The following AGBL4 variants were observed in gnomAD, a reference collection of about 807,000 sequenced individuals.
AGBL4 encodes cytosolic carboxypeptidase 6.
Under a neutral mutation model 66.4 loss-of-function variants are expected in AGBL4, and 58 were observed. That is an observed-to-expected ratio of 0.87 (90% CI 0.71 to 1.09). The LOEUF (loss-of-function observed/expected upper bound fraction) is 1.09. AGBL4 is among the 50% of genes least tolerant of loss of function. The pLI, the probability that AGBL4 is intolerant of heterozygous loss-of-function variation, is 0.00. For synonymous variants in AGBL4, 234 were observed against 222.9 expected (o/e 1.05, Z -0.44); for missense variants, 579 against 631.0 (o/e 0.92, Z 0.88).
intron 6 of AGBL4, chr1:48,776,639 A>G: frequency 1.4e-6 from 2 of 1,480,988 alleles, no homozygotes; most frequent in South Asian, 2.6e-5. Flanking sequence ...TTGTGGAGCA[A>G]CAGCGCGCCC....
chr1:49,563,214 G>A (rs1644099448), intron 3 of AGBL4, among the ~76,000 whole-genome samples: 1 of 78,860 alleles, frequency 1.3e-5, no homozygotes, highest in African/African-American at 6.1e-5. Flanking sequence ...TTTGGGCTGA[G>A]ACAATGGGGT....
At chr1:49,289,734 A>G (rs1644498127) in intron 3 of AGBL4, among the ~76,000 whole-genome samples, 1 of 152,202 alleles carries the variant, frequency 6.6e-6, no homozygotes, top group African/African-American at 2.4e-5. Context: ...AGAGAAATTC[A>G]TAGCCTTAAA....
intron 1 of AGBL4, among the ~76,000 whole-genome samples, chr1:49,875,042 T>C (rs1171022621): frequency 1.0e-4 from 15 of 147,188 alleles, no homozygotes; most frequent in Admixed American, 7.0e-5. Context: ...ATTCTCATTG[T>C]TCAATTTCCA....
chr1:49,949,971 T>C (rs1028228930), intron 1 of AGBL4, among the ~76,000 whole-genome samples: 5 of 146,052 alleles, frequency 3.4e-5, no homozygotes, highest in East Asian at 2.0e-4. Flanking sequence ...TATATATATA[T>C]ATACACACAT....
At chr1:49,150,885 T>C (rs1329194215) in intron 4 of AGBL4, among the ~76,000 whole-genome samples, 1 of 152,210 alleles carries the variant, frequency 6.6e-6, no homozygotes, top group Non-Finnish European at 1.5e-5. Flanking sequence ...TGTCCATTAC[T>C]GTGCTTGGCA....
chr1:49,976,277 C>A (rs1658544637), intron 1 of AGBL4, among the ~76,000 whole-genome samples: 1 of 152,116 alleles, frequency 6.6e-6, no homozygotes, highest in South Asian at 2.1e-4. Flanking sequence ...GAAGCATATG[C>A]ATAGCACTTT....
chr1:49,639,723 CA>C (rs1222459189), intron 3 of AGBL4, among the ~76,000 whole-genome samples: 5 of 152,076 alleles, frequency 3.3e-5, no homozygotes, highest in African/African-American at 1.2e-4. Flanking sequence ...AACAGGGGAG[CA>C]AATATGTAAA....
At chr1:49,663,003 G>A (rs971880152) in intron 3 of AGBL4, among the ~76,000 whole-genome samples, 4 of 152,118 alleles carry the variant, frequency 2.6e-5, no homozygotes, top group African/African-American at 9.6e-5. Flanking sequence ...ACTGGGTTTA[G>A]ATAAGTCTCT....
At chr1:48,848,485 G>A (rs1215535735) in intron 6 of AGBL4, among the ~76,000 whole-genome samples, 2 of 151,974 alleles carry the variant, frequency 1.3e-5, no homozygotes, top group Non-Finnish European at 2.9e-5. Flanking sequence ...AATCTATCTC[G>A]GCCTTATGAA....
chr1:49,879,240 A>T (rs1200240525), intron 1 of AGBL4, among the ~76,000 whole-genome samples: 2 of 143,640 alleles, frequency 1.4e-5, no homozygotes, highest in East Asian at 2.1e-4. Context: ...TAGTTGATGC[A>T]GTTTCTTCCT....
intron 11 of AGBL4, among the ~76,000 whole-genome samples, chr1:48,548,364 AAACAC>A (rs1365999350): frequency 6.6e-6 from 1 of 152,098 alleles, no homozygotes; most frequent in Admixed American, 6.5e-5. Context: ...TCCTCATCTG[AAACAC>A]AGCCCTGACC....
At chr1:49,081,003 A>C (rs1347194152) in intron 4 of AGBL4, among the ~76,000 whole-genome samples, 1 of 152,168 alleles carries the variant, frequency 6.6e-6, no homozygotes, top group Non-Finnish European at 1.5e-5. Flanking sequence ...TACAGTCATT[A>C]TAATGTCAAA....
At chr1:48,884,576 C>T (rs1650121931) in intron 5 of AGBL4, among the ~76,000 whole-genome samples, 1 of 152,120 alleles carries the variant, frequency 6.6e-6, no homozygotes, top group Non-Finnish European at 1.5e-5. Flanking sequence ...TGACAATTGT[C>T]CATTGCTTCC....
chr1:49,240,037 A>G (rs1651095254), intron 4 of AGBL4, among the ~76,000 whole-genome samples: 1 of 152,136 alleles, frequency 6.6e-6, no homozygotes, highest in Admixed American at 6.5e-5. Context: ...TTTCTCAAGT[A>G]AAATATAAAT....
intron 9 of AGBL4, 86 bp from the exon 10 acceptor site, chr1:48,591,071 CCCCCACACA>C: frequency 9.2e-7 from 1 of 1,091,462 alleles, no homozygotes; most frequent in Non-Finnish European, 1.3e-6. Flanking sequence ...ACACACACAC[CCCCCACACA>C]CACCCACCCA....
chr1:49,378,103 C>A (rs149643191), intron 3 of AGBL4, among the ~76,000 whole-genome samples: 189 of 152,058 alleles, frequency 1.2e-3, no homozygotes, highest in African/African-American at 4.4e-3. Context: ...TCCTGTCTGG[C>A]CCTGATGGAG....
chr1:49,564,050 G>A (rs890190794), intron 3 of AGBL4, among the ~76,000 whole-genome samples: 3 of 152,116 alleles, frequency 2.0e-5, no homozygotes, highest in African/African-American at 7.2e-5. Context: ...GGGTGTATGT[G>A]TCGAGGAATT....
intron 3 of AGBL4, among the ~76,000 whole-genome samples, chr1:49,530,706 G>A (rs1182113425): frequency 6.6e-6 from 1 of 151,838 alleles, no homozygotes; most frequent in Non-Finnish European, 1.5e-5. Context: ...TGGGACTTAG[G>A]GATTTCAGGA....
At chr1:48,832,663 C>A (rs948522310) in intron 6 of AGBL4, among the ~76,000 whole-genome samples, 9 of 152,118 alleles carry the variant, frequency 5.9e-5, no homozygotes, top group African/African-American at 2.2e-4. Flanking sequence ...AATGTTATTT[C>A]TGGGCATGCC....
Sources: allele counts gnomAD v4.1 joint callset (sites outside exome capture counted in the v4.1 genomes callset), GRCh38; gene constraint gnomAD v4.1.1; transcripts MANE v1.5; gene names NCBI Gene and HGNC (gene_info 2026-07-23, HGNC 2026-07-21).